The following VPS13B variants were observed in gnomAD, a reference collection of about 807,000 sequenced individuals.
VPS13B encodes vacuolar protein sorting 13 homolog B.
In VPS13B, 285 loss-of-function variants were observed where a neutral mutation model predicts 426.4. The ratio of observed to expected loss-of-function variants is 0.67; its 90% CI spans 0.61 to 0.74. VPS13B has a LOEUF of 0.74. Among genes scored for constraint, VPS13B ranks in the 30% least tolerant of loss-of-function variants. The pLI is 0.00. For synonymous variants in VPS13B, 1,676 were observed against 1,676.4 expected (o/e 1.00, Z 0.01); for missense variants, 4,537 against 4,782.6 (o/e 0.95, Z 1.51).
intron 3 of VPS13B, among the ~76,000 whole-genome samples, chr8:99,062,123 C>T (rs990651737): frequency 3.3e-5 from 5 of 152,250 alleles, no homozygotes; most frequent in East Asian, 3.9e-4. Context: ...CATATTCCCC[C>T]GAAGTTAGAT....
chr8:99,623,994 C>CATATATATATATATATATATATATATAT (rs770947718), intron 33 of VPS13B, among the ~76,000 whole-genome samples: 2 of 53,934 alleles, frequency 3.7e-5, no homozygotes, highest in African/African-American at 7.4e-5. Context: ...ATGAAACATA[C>CATATATATATATATATATATATATATAT]ATATATATAT....
At chr8:99,106,576 G>T (rs1847062305) in intron 5 of VPS13B, among the ~76,000 whole-genome samples, 1 of 152,092 alleles carries the variant, frequency 6.6e-6, no homozygotes, top group East Asian at 1.9e-4. Flanking sequence ...AGAAGTGCTT[G>T]TTGTACATAT....
At chr8:99,085,764 G>A (rs751936264) in intron 3 of VPS13B, among the ~76,000 whole-genome samples, 7 of 152,138 alleles carry the variant, frequency 4.6e-5, no homozygotes, top group Non-Finnish European at 8.8e-5. Context: ...CTTTAAGAAC[G>A]TTGAATATTG....
rs546042033 is a variant in VPS13B, at chr8:99,381,821, C to A, written c.2825-2387C>A. ...CTGGATATTAGATCTTGGTCAGATG[C>A]AGAGTTTGCAAAAATTTTCTCCCAT... is the stretch of plus-strand genomic sequence containing the variant. On this transcript the variant is annotated intron_variant, in intron 19 of 61. Transcript: ENST00000357162. 5.9e-5 allele frequency among the ~76,000 whole-genome samples: 9 copies of A among 151,892 alleles called. No homozygotes were observed. In the East Asian group the frequency reaches 1.4e-3, roughly 23 times the overall value.
At chr8:99,036,763 A>G (rs1457764076) in intron 2 of VPS13B, among the ~76,000 whole-genome samples, 4 of 152,110 alleles carry the variant, frequency 2.6e-5, no homozygotes, top group Non-Finnish European at 4.4e-5. Context: ...CAAATATATC[A>G]TTGTTACACA....
intron 54 of VPS13B, among the ~76,000 whole-genome samples, chr8:99,837,039 C>T (rs1815433974): frequency 6.6e-6 from 1 of 152,244 alleles, no homozygotes; most frequent in South Asian, 2.1e-4. Context: ...TGGAACCCCT[C>T]TTTCCCAGTC....
intron 17 of VPS13B, among the ~76,000 whole-genome samples, chr8:99,238,279 A>G (rs1816745517): frequency 6.6e-6 from 1 of 151,800 alleles, no homozygotes; most frequent in Non-Finnish European, 1.5e-5. Flanking sequence ...TGAAAAGACA[A>G]TGTCTTTAGT....
chr8:99,519,734 A>G (rs1822270687), intron 29 of VPS13B, among the ~76,000 whole-genome samples: 1 of 145,616 alleles, frequency 6.9e-6, no homozygotes, highest in African/African-American at 2.5e-5. Flanking sequence ...TCTCACTCGT[A>G]GGTGGGAATT....
intron 35 of VPS13B, among the ~76,000 whole-genome samples, chr8:99,661,927 A>ATT (rs1361124858): frequency 1.3e-5 from 2 of 152,206 alleles, no homozygotes; most frequent in Non-Finnish European, 2.9e-5. Context: ...TGATAGTTAA[A>ATT]TGTACCTGTT....
intron 33 of VPS13B, among the ~76,000 whole-genome samples, chr8:99,594,269 G>A (rs1039870191): frequency 6.6e-6 from 1 of 151,780 alleles, no homozygotes; most frequent in Non-Finnish European, 1.5e-5. Flanking sequence ...CATCTCCTGT[G>A]TTTACTTTCT....
chr8:99,741,219 C>G (rs56912854), intron 39 of VPS13B, among the ~76,000 whole-genome samples: 9,910 of 152,026 alleles, frequency 0.065, 459 homozygotes, highest in African/African-American at 0.13. Context: ...GATCAAAGGA[C>G]ACAAAGAAGG....
intron 19 of VPS13B, among the ~76,000 whole-genome samples, chr8:99,310,168 C>G (rs1017404578): frequency 1.3e-5 from 2 of 152,098 alleles, no homozygotes; most frequent in African/African-American, 2.4e-5. Flanking sequence ...ATTGAATACC[C>G]TTTATTTCTT....
chr8:99,362,686 T>C (rs1038203342), intron 19 of VPS13B, among the ~76,000 whole-genome samples: 4 of 152,230 alleles, frequency 2.6e-5, no homozygotes, highest in African/African-American at 9.6e-5. Flanking sequence ...ATTGTGTGTA[T>C]GCATCACATT....
At chr8:99,275,307 T>TC (rs1465036657) in intron 19 of VPS13B, 53 bp downstream of exon 19, 3 of 1,414,504 alleles carry the variant, frequency 2.1e-6, no homozygotes, top group Non-Finnish European at 1.9e-6. Flanking sequence ...TTTTTTTTTT[T>TC]CCAGAAAGGC....
At chr8:99,235,938 T>C (rs886408672) in intron 17 of VPS13B, among the ~76,000 whole-genome samples, 3 of 152,200 alleles carry the variant, frequency 2.0e-5, no homozygotes, top group African/African-American at 7.2e-5. Flanking sequence ...AATAGAATAG[T>C]GTCTACTGGA....
At chr8:99,592,877 C>T (rs958487494) in intron 33 of VPS13B, among the ~76,000 whole-genome samples, 4 of 152,078 alleles carry the variant, frequency 2.6e-5, no homozygotes, top group African/African-American at 9.7e-5. Flanking sequence ...AAAATTGAAA[C>T]TGTACCCCTT....
At chr8:99,680,731 C>T (rs1831123897) in intron 35 of VPS13B, among the ~76,000 whole-genome samples, 2 of 152,128 alleles carry the variant, frequency 1.3e-5, no homozygotes, top group Admixed American at 1.3e-4. Context: ...AGGATTATAA[C>T]ACAATTCTAA....
intron 21 of VPS13B, among the ~76,000 whole-genome samples, chr8:99,421,202 G>C (rs934280237): frequency 1.3e-5 from 2 of 152,116 alleles, no homozygotes; most frequent in African/African-American, 4.8e-5. Flanking sequence ...GTACCAAGTT[G>C]AATGGTTCAT....
At chr8:99,867,773 AAAT>A (rs1428379750) in intron 58 of VPS13B, among the ~76,000 whole-genome samples, 3 of 152,246 alleles carry the variant, frequency 2.0e-5, no homozygotes, top group Non-Finnish European at 4.4e-5. Context: ...CCTATAATCC[AAAT>A]AATAATTACT....
Sources: allele counts gnomAD v4.1 joint callset (sites outside exome capture counted in the v4.1 genomes callset), GRCh38; gene constraint gnomAD v4.1.1; transcripts MANE v1.5; gene names NCBI Gene and HGNC (gene_info 2026-07-23, HGNC 2026-07-21).